The following SLC35F1 variants were observed in gnomAD, a reference collection of about 807,000 sequenced individuals.
The protein encoded by SLC35F1 is chromosome 6 open reading frame 169.
Under a neutral mutation model 48.7 loss-of-function variants are expected in SLC35F1, and 14 were observed. The observed-to-expected ratio is 0.29, with a 90% CI of 0.19 to 0.45. The LOEUF (loss-of-function observed/expected upper bound fraction) is 0.45, where lower values mean the gene tolerates loss of function less well. Among genes scored for constraint, SLC35F1 ranks in the 20% least tolerant of loss-of-function variants. The pLI, the probability that SLC35F1 is intolerant of heterozygous loss-of-function variation, is 1.00. For missense variants in SLC35F1, 404 were observed against 500.0 expected (o/e 0.81, Z 1.83); for synonymous variants, 190 against 202.2 (o/e 0.94, Z 0.51).
intron 1 of SLC35F1, among the ~76,000 whole-genome samples, chr6:118,085,804 T>C (rs1772981856): frequency 6.6e-6 from 1 of 152,172 alleles, no homozygotes. Context: ...GTTACAAACT[T>C]GTGGAAATTT....
chr6:118,192,809 G>A (rs1306392518), intron 2 of SLC35F1, among the ~76,000 whole-genome samples: 1 of 152,012 alleles, frequency 6.6e-6, no homozygotes, highest in African/African-American at 2.4e-5. Flanking sequence ...TCTTTTGCAT[G>A]CTTCAGGAGC....
intron 1 of SLC35F1, among the ~76,000 whole-genome samples, chr6:118,068,663 A>G (rs1408541254): frequency 1.3e-5 from 2 of 152,194 alleles, no homozygotes; most frequent in African/African-American, 4.8e-5. Flanking sequence ...TCCCCCCTTA[A>G]GATGATTAGA....
chr6:117,966,364 A>G (rs1381659651), intron 1 of SLC35F1, among the ~76,000 whole-genome samples: 2 of 151,872 alleles, frequency 1.3e-5, no homozygotes, highest in Non-Finnish European at 2.9e-5. Context: ...CTCCAGAGGC[A>G]CTGCCTTTAA....
rs573406130 is a variant in SLC35F1 at position 117,996,920 on chromosome 6, C to T, written c.173+89021C>T. The stretch of plus-strand genomic sequence containing the variant: ...TCACCAGCAACGAAACAAAGCTGGA[C>T]GGAGAATGACTTTGACGAGTTGAGA... On this transcript the variant is annotated intron_variant, in intron 1 of 7. Coordinates refer to ENST00000360388, the MANE Select transcript of SLC35F1 (RefSeq NM_001029858.4). 1.1e-3 allele frequency among the ~76,000 whole-genome samples: 165 copies of T among 152,272 alleles called. 2 individuals carry two copies. The East Asian group carries it at 0.027, about 25-fold the overall frequency.
intron 1 of SLC35F1, among the ~76,000 whole-genome samples, chr6:118,118,283 C>G (rs1218577939): frequency 6.6e-6 from 1 of 152,118 alleles, no homozygotes. Flanking sequence ...ACACTTAACA[C>G]TGATAAATTT....
chr6:117,961,043 T>A (rs994361803), intron 1 of SLC35F1, among the ~76,000 whole-genome samples: 4 of 152,038 alleles, frequency 2.6e-5, no homozygotes, highest in Non-Finnish European at 4.4e-5. Flanking sequence ...GCAAAAAAAA[T>A]TTAAAAAAAT....
At chr6:118,163,419 C>T (rs1014981844) in intron 2 of SLC35F1, among the ~76,000 whole-genome samples, 13 of 68,788 alleles carry the variant, frequency 1.9e-4, no homozygotes, top group Non-Finnish European at 3.3e-4. Context: ...CAAACACACT[C>T]ACACTCACAC....
At chr6:117,999,129 A>C in intron 1 of SLC35F1, 2 of 1,587,694 alleles carry the variant, frequency 1.3e-6, no homozygotes, top group South Asian at 2.2e-5. Context: ...CACAACAAAA[A>C]GGGCCTAAAG....
At position 118,203,369 on chromosome 6, in the gene SLC35F1, T is replaced by C. The variant is rs148481630; in HGVS notation, c.350-32140T>C. On this transcript the variant is annotated intron_variant, in intron 2 of 7. Coordinates refer to ENST00000360388, the MANE Select transcript of SLC35F1 (RefSeq NM_001029858.4). Reference sequence around the variant, plus strand: ...GTGAAAGAATGCCAAATGCACAAGATACCCTCCCCTCAGGGCTGTCTTTCC... The same window carrying C: ...GTGAAAGAATGCCAAATGCACAAGACACCCTCCCCTCAGGGCTGTCTTTCC... 2.3e-3 allele frequency among the ~76,000 whole-genome samples: 354 copies of C among 152,340 alleles called. 3 individuals are homozygous for C. Among genetic ancestry groups the C allele is most frequent in the African/African-American group, 7.9e-3 (329 of 41,592 alleles).
At chr6:117,960,721 A>G (rs1465685780) in intron 1 of SLC35F1, among the ~76,000 whole-genome samples, 1 of 152,184 alleles carries the variant, frequency 6.6e-6, no homozygotes, top group Non-Finnish European at 1.5e-5. Context: ...GTGATGCTTG[A>G]TAGAGAAAGA....
intron 2 of SLC35F1, among the ~76,000 whole-genome samples, chr6:118,159,438 A>T (rs1383202433): frequency 1.3e-5 from 2 of 152,166 alleles, no homozygotes; most frequent in Non-Finnish European, 2.9e-5. Context: ...ACCCACTGAA[A>T]TAAAGCCTGA....
chr6:118,161,803 TTATA>T (rs2114481004), intron 2 of SLC35F1, among the ~76,000 whole-genome samples: 1 of 152,326 alleles, frequency 6.6e-6, no homozygotes, highest in Admixed American at 6.5e-5. Flanking sequence ...GGCTGTGATG[TTATA>T]CAAATATCAT....
At chr6:118,237,826 G>A (rs1367307885) in intron 3 of SLC35F1, among the ~76,000 whole-genome samples, 1 of 152,168 alleles carries the variant, frequency 6.6e-6, no homozygotes, top group Non-Finnish European at 1.5e-5. Context: ...CAAATGAAAT[G>A]AGTTTCATAA....
intron 1 of SLC35F1, among the ~76,000 whole-genome samples, chr6:117,935,133 C>G (rs1369794705): frequency 3.3e-5 from 5 of 152,074 alleles, no homozygotes; most frequent in African/African-American, 1.2e-4. Flanking sequence ...AAATAAACTA[C>G]TCACTTAACC....
chr6:118,227,485 A>G (rs1334660285), intron 2 of SLC35F1, among the ~76,000 whole-genome samples: 4 of 152,198 alleles, frequency 2.6e-5, no homozygotes, highest in Non-Finnish European at 5.9e-5. Context: ...TTTGTGTTGT[A>G]TCTATTCTGT....
At chr6:118,127,416 C>T (rs1212507810) in intron 1 of SLC35F1, among the ~76,000 whole-genome samples, 6 of 151,774 alleles carry the variant, frequency 4.0e-5, no homozygotes, top group African/African-American at 2.4e-5. Context: ...CATCAATGTT[C>T]ATCAAGGATA....
At chr6:117,991,380 A>G (rs1776917921) in intron 1 of SLC35F1, among the ~76,000 whole-genome samples, 1 of 152,102 alleles carries the variant, frequency 6.6e-6, no homozygotes, top group South Asian at 2.1e-4. Context: ...TCCAAAGACA[A>G]TCACTCTTCC....
chr6:118,271,721 G>A (rs1055752526), intron 4 of SLC35F1, among the ~76,000 whole-genome samples: 2 of 152,142 alleles, frequency 1.3e-5, no homozygotes, highest in Admixed American at 6.5e-5. Context: ...ATCGGATAAG[G>A]AAAGCCAGTT....
At chr6:117,920,573 A>G (rs1007652691) in intron 1 of SLC35F1, among the ~76,000 whole-genome samples, 6 of 152,242 alleles carry the variant, frequency 3.9e-5, no homozygotes, top group African/African-American at 1.4e-4. Context: ...TATTTCATTC[A>G]GAGATGGCTC....
Sources: gnomAD v4.1 joint callset for allele counts (sites outside exome capture counted in the v4.1 genomes callset) on GRCh38, gnomAD v4.1.1 for gene constraint, MANE v1.5 for transcripts, NCBI Gene and HGNC (gene_info 2026-07-23, HGNC 2026-07-21) for gene names.